Variants in KIAA1217 observed in about 807,000 individuals in gnomAD.
KIAA1217 encodes sickle tail protein homolog.
Under a neutral mutation model 163.9 loss-of-function variants are expected in KIAA1217, and 88 were observed. The ratio of observed to expected loss-of-function variants is 0.54; its 90% CI spans 0.45 to 0.64. The LOEUF (loss-of-function observed/expected upper bound fraction) is 0.64, where lower values mean the gene tolerates loss of function less well. KIAA1217 is among the 30% of genes least tolerant of loss of function. The probability of loss-of-function intolerance (pLI) is 0.00; values close to 1 mark genes in which losing one functional copy is unlikely to be tolerated. For synonymous variants in KIAA1217, 903 were observed against 923.1 expected (o/e 0.98, Z 0.39); for missense variants, 2,372 against 2,475.0 (o/e 0.96, Z 0.88).
chr10:24,394,607 G>A (rs904068858), intron 3 of KIAA1217, among the ~76,000 whole-genome samples: 1 of 152,158 alleles, frequency 6.6e-6, no homozygotes, highest in African/African-American at 2.4e-5. Context: ...TGGTAACTAT[G>A]TAAGGACTGA....
chr10:24,469,340 G>T (rs1298553895), intron 5 of KIAA1217, among the ~76,000 whole-genome samples: 4 of 151,918 alleles, frequency 2.6e-5, no homozygotes, highest in Non-Finnish European at 5.9e-5. Flanking sequence ...GCCCAAGCTG[G>T]TCTCAAACTC....
intron 3 of KIAA1217, among the ~76,000 whole-genome samples, chr10:24,390,079 T>C (rs1188681524): frequency 6.6e-6 from 1 of 152,190 alleles, no homozygotes; most frequent in Non-Finnish European, 1.5e-5. Context: ...TTCAGCCCAG[T>C]GATTCTGCAA....
chr10:24,523,802 T>C (rs2071670594), intron 12 of KIAA1217, among the ~76,000 whole-genome samples: 1 of 152,162 alleles, frequency 6.6e-6, no homozygotes, highest in Admixed American at 6.5e-5. Flanking sequence ...GAGGGACATA[T>C]AGCTTCAAAT....
chr10:24,386,881 A>G (rs1262347408), intron 3 of KIAA1217, among the ~76,000 whole-genome samples: 1 of 152,218 alleles, frequency 6.6e-6, no homozygotes, highest in Non-Finnish European at 1.5e-5. Flanking sequence ...ACCTGGCCCA[A>G]AAGATAAAAG....
At chr10:23,838,585 C>A (rs943248824) in intron 1 of KIAA1217, among the ~76,000 whole-genome samples, 8 of 152,068 alleles carry the variant, frequency 5.3e-5, no homozygotes, top group Non-Finnish European at 1.2e-4. Context: ...CTCAGCCTCC[C>A]AAGTAGCTGG....
In KIAA1217 at chr10:24,472,819, T is replaced by G. The variant is rs1469926853; in HGVS notation, c.847-409T>G. 4.6e-5 allele frequency among the ~76,000 whole-genome samples: 7 copies of G among 152,256 alleles called. No individual in the cohort carries two copies. The East Asian group carries it at 1.4e-3, about 29-fold the overall frequency. ...CAATATCAATGTGTCGGCAGGGTCA[T>G]CCTCCCTCTGGAGGCTCCAGAGTGG... On this transcript the variant is annotated intron_variant, in intron 5 of 20. Transcript: ENST00000376454.
At chr10:23,866,739 G>C (rs990675632) in intron 1 of KIAA1217, among the ~76,000 whole-genome samples, 4 of 151,988 alleles carry the variant, frequency 2.6e-5, no homozygotes, top group African/African-American at 7.2e-5. Context: ...GCATTCTGTA[G>C]ACCCAGAAGC....
At chr10:24,468,183 C>T (rs1037283417) in intron 5 of KIAA1217, among the ~76,000 whole-genome samples, 2 of 152,114 alleles carry the variant, frequency 1.3e-5, no homozygotes, top group Non-Finnish European at 2.9e-5. Flanking sequence ...TGAAAACATC[C>T]CTCCAGTGAT....
intron 1 of KIAA1217, among the ~76,000 whole-genome samples, chr10:23,841,671 A>G (rs972800832): frequency 1.2e-4 from 19 of 152,106 alleles, no homozygotes; most frequent in African/African-American, 2.6e-4. Flanking sequence ...CCCAATAAGC[A>G]GTATAATTCT....
Position 24,112,370 on chromosome 10 carries a change from C to G in KIAA1217, c.-171+104996C>G, listed in dbSNP as rs78067319. 3.4e-3 allele frequency among the ~76,000 whole-genome samples: 521 copies of G among 152,276 alleles called. 3 individuals are homozygous for G. Among genetic ancestry groups the G allele is most frequent in the African/African-American group, 0.012 (493 of 41,576 alleles). On this transcript the variant is annotated intron_variant, in intron 2 of 18. Transcript: ENST00000376462. ...GTCATGAGGCCAAGATGTTTTATTTCTGTGCGAACAGGATGGCTTTGTTTT... is the reference window on the plus strand; with the variant it reads ...GTCATGAGGCCAAGATGTTTTATTTGTGTGCGAACAGGATGGCTTTGTTTT...
At chr10:23,840,215 G>T (rs529509037) in intron 1 of KIAA1217, among the ~76,000 whole-genome samples, 37 of 151,850 alleles carry the variant, frequency 2.4e-4, no homozygotes, top group African/African-American at 8.2e-4. Context: ...GAGTGCAATG[G>T]TACGATCTTG....
chr10:24,187,890 CAA>C (rs1027670888), intron 2 of KIAA1217, among the ~76,000 whole-genome samples: 1 of 142,210 alleles, frequency 7.0e-6, no homozygotes, highest in Non-Finnish European at 1.5e-5. Context: ...AACTCCATCT[CAA>C]AAAAAAAAAG....
chr10:23,817,962 CATATATAT>C (rs71397918), intron 1 of KIAA1217, among the ~76,000 whole-genome samples: 3,667 of 54,198 alleles, frequency 0.068, 157 homozygotes, highest in Middle Eastern at 0.12. Context: ...TGTGGTGGCA[CATATATAT>C]ATATATATAT....
At chr10:24,245,297 A>G (rs1446352125) in intron 2 of KIAA1217, among the ~76,000 whole-genome samples, 1 of 152,178 alleles carries the variant, frequency 6.6e-6, no homozygotes, top group Non-Finnish European at 1.5e-5. Flanking sequence ...TGACGATAGG[A>G]GTCCTCGGAG....
chr10:23,986,423 G>C (rs772259093), intron 1 of KIAA1217, among the ~76,000 whole-genome samples: 1 of 152,186 alleles, frequency 6.6e-6, no homozygotes, highest in Non-Finnish European at 1.5e-5. Flanking sequence ...ATATAAAATG[G>C]TGTAGTATTT....
intron 2 of KIAA1217, among the ~76,000 whole-genome samples, chr10:24,147,536 T>C (rs772072295): frequency 1.8e-4 from 28 of 152,130 alleles, no homozygotes; most frequent in Non-Finnish European, 3.5e-4. Context: ...AGTAAAATCA[T>C]TAGTTATTTG....
In KIAA1217 at chr10:24,293,996, A is replaced by T. The variant is rs575063651; in HGVS notation, c.354+74087A>T. Among the ~76,000 whole-genome samples, 4 of 152,206 alleles carry T rather than the reference A, an allele frequency of 2.6e-5. No homozygotes were observed. In the South Asian group the frequency reaches 6.2e-4, roughly 24 times the overall value. On this transcript the variant is annotated intron_variant, in intron 2 of 20. Coordinates refer to ENST00000376454, the MANE Select transcript of KIAA1217 (RefSeq NM_019590.5). ...ATCACGAGGTCAGGAGATGGAGACC[A>T]TCCTGGCTAAGACGGGGAAACACCG...
intron 3 of KIAA1217, among the ~76,000 whole-genome samples, chr10:24,411,550 TC>T (rs2057771591): frequency 6.6e-6 from 1 of 152,244 alleles, no homozygotes; most frequent in Non-Finnish European, 1.5e-5. Context: ...CTTGGTGAAT[TC>T]TTTCACATAT....
Position 24,433,176 on chromosome 10 carries a change from T to G in KIAA1217, c.735T>G (p.Tyr245Ter), listed in dbSNP as rs767798668. The part of the protein sequence containing the change: ...YIKDESRNVY[Y>*]ELNDVRNIQD... ...AAGATGAAAGCAGAAATGTCTATTA[T>G]GAATTAAATGATGTAAGGTAAGTTG... is the stretch of plus-strand genomic sequence containing the variant. The change falls in exon 4 of 21, where the codon TAT (tyrosine) becomes TAG (stop). Residue 245 changes from tyrosine to a stop codon, truncating the protein, a stop_gained. Transcript: ENST00000376454. LOFTEE classifies it high-confidence loss of function. The G allele has an allele frequency of 6.2e-7, 1 of 1,613,280 alleles. No individual in the cohort carries two copies.
Sources: allele counts gnomAD v4.1 joint callset (sites outside exome capture counted in the v4.1 genomes callset), GRCh38; gene constraint gnomAD v4.1.1; transcripts MANE v1.5; gene names NCBI Gene and HGNC (gene_info 2026-07-23, HGNC 2026-07-21).